The following PSEN1 variants were observed in gnomAD, a reference collection of about 807,000 sequenced individuals.
PSEN1 encodes presenilin-1.
In PSEN1, 15 loss-of-function variants were observed where a neutral mutation model predicts 53.5. The ratio of observed to expected loss-of-function variants is 0.28; its 90% CI spans 0.19 to 0.43. The LOEUF is 0.43. PSEN1 is among the 20% of genes least tolerant of loss of function. PSEN1 has a pLI of 1.00. For synonymous variants in PSEN1, 208 were observed against 209.8 expected (o/e 0.99, Z 0.08); for missense variants, 387 against 571.2 (o/e 0.68, Z 3.29).
At chr14:73,167,151 CAG>C (rs747493312) in intron 3 of PSEN1, among the ~76,000 whole-genome samples, 9 of 12,526 alleles carry the variant, frequency 7.2e-4, no homozygotes, top group Non-Finnish European at 1.1e-3. Context: ...ATGGTACCAG[CAG>C]CACCTGATTA....
chr14:73,161,815 G>A (rs1020033257), intron 3 of PSEN1, among the ~76,000 whole-genome samples: 4 of 152,036 alleles, frequency 2.6e-5, no homozygotes, highest in Non-Finnish European at 5.9e-5. Context: ...CACATTATTA[G>A]CGGAAACTTG....
chr14:73,185,663 A>G (rs919491625), intron 5 of PSEN1, among the ~76,000 whole-genome samples: 2 of 152,160 alleles, frequency 1.3e-5, no homozygotes, highest in Non-Finnish European at 2.9e-5. Flanking sequence ...TTTAAGATGT[A>G]TTTCTTTTCT....
In PSEN1 at chr14:73,194,657, C is replaced by T. The variant is rs553968596; in HGVS notation, c.769+1793C>T. Among the ~76,000 whole-genome samples, 12 of 151,196 alleles carry T rather than the reference C, an allele frequency of 7.9e-5. No homozygotes were observed. The East Asian group carries it at 2.0e-3, about 25-fold the overall frequency. On this transcript the variant is annotated intron_variant, in intron 7 of 11. Transcript: ENST00000324501. ...GATCTTGGCTCACTGCAAGCTTCGC[C>T]TCCCAGGTTCATGCCGTTCTCCTGC...
chr14:73,186,009 CATTTTTGTAACAAAATGTTGGAAA>C (rs1898495884), intron 5 of PSEN1, among the ~76,000 whole-genome samples: 2 of 152,194 alleles, frequency 1.3e-5, no homozygotes, highest in Admixed American at 1.3e-4. Context: ...TGTGTTCGAA[CATTTTTGTAACAAAATGTTGGAAA>C]ATTTTTGTGG....
intron 1 of PSEN1, among the ~76,000 whole-genome samples, chr14:73,146,880 G>A (rs527574235): frequency 6.6e-6 from 1 of 152,306 alleles, no homozygotes; most frequent in East Asian, 1.9e-4. Context: ...AAAAGGAAGA[G>A]TTGAAATCAT....
rs1223461976 is a variant in PSEN1, at chr14:73,222,705, A to G, written c.*3416A>G. The G allele has an allele frequency of 6.6e-6, 1 of 152,208 alleles. No homozygotes were observed. The highest frequency in any genetic ancestry group is 1.5e-5 in the Non-Finnish European group (1 of 68,024). 9.4% of individuals were successfully genotyped at this position (152,208 alleles called of 1,614,324 possible). On this transcript the variant is annotated 3_prime_UTR_variant, in exon 12 of 12. Coordinates refer to ENST00000324501, the MANE Select transcript of PSEN1 (RefSeq NM_000021.4). ...TTTCTGGTATATGCCATCTTTCTTT[A>G]ACTTCTCTAAAATATTGGGTATTTG...
At chr14:73,197,873 T>G in intron 7 of PSEN1, 158 bp from the exon 8 acceptor site, 9 of 599,992 alleles carry the variant, frequency 1.5e-5, no homozygotes, top group East Asian at 2.9e-5. Flanking sequence ...CCCCCACCAG[T>G]TCACCTGCCA....
intron 5 of PSEN1, among the ~76,000 whole-genome samples, chr14:73,185,564 C>T (rs1038008179): frequency 2.6e-5 from 4 of 152,112 alleles, no homozygotes; most frequent in Non-Finnish European, 5.9e-5. Flanking sequence ...AGCTTCGGCT[C>T]AGCATGAGAG....
At chr14:73,195,738 C>A (rs939181038) in intron 7 of PSEN1, among the ~76,000 whole-genome samples, 2 of 152,080 alleles carry the variant, frequency 1.3e-5, no homozygotes, top group African/African-American at 4.8e-5. Context: ...ACTACAGGCA[C>A]AGGTTGGTGT....
Position 73,219,691 on chromosome 14 carries a change from A to G in PSEN1, c.*402A>G, listed in dbSNP as rs997475501. On this transcript the variant is annotated 3_prime_UTR_variant, in exon 12 of 12. Transcript: ENST00000324501. The stretch of plus-strand genomic sequence containing the variant: ...AGGTGAAGTGGTTTAAACCAAACGG[A>G]ACTCTTCATCTTAAACTACACGTTG... 3.9e-6 allele frequency: 1 copy of G among 257,454 alleles called. No homozygotes were observed. The highest frequency in any genetic ancestry group is 7.7e-6 in the Non-Finnish European group (1 of 130,364). The allele number at this position is 257,454 out of a possible 1,614,324, so 15.9% of individuals were successfully genotyped here.
intron 8 of PSEN1, among the ~76,000 whole-genome samples, chr14:73,199,675 T>C (rs560342467): frequency 6.6e-6 from 1 of 152,334 alleles, no homozygotes; most frequent in South Asian, 2.1e-4. Context: ...TATTGCCTCC[T>C]AAAAAAGCTG....
intron 3 of PSEN1, among the ~76,000 whole-genome samples, chr14:73,167,640 A>T (rs1472905125): frequency 1.3e-5 from 2 of 151,950 alleles, no homozygotes; most frequent in Non-Finnish European, 2.9e-5. Context: ...ACCCTATTCC[A>T]TTAGTTTTAA....
intron 8 of PSEN1, among the ~76,000 whole-genome samples, chr14:73,199,372 C>G (rs991359052): frequency 3.3e-5 from 5 of 152,144 alleles, no homozygotes; most frequent in African/African-American, 4.8e-5. Flanking sequence ...AGAGAGGATA[C>G]TACAGGAAGT....
chr14:73,177,873 C>T (rs185108056), intron 5 of PSEN1, among the ~76,000 whole-genome samples: 2 of 152,134 alleles, frequency 1.3e-5, no homozygotes, highest in Admixed American at 1.3e-4. Context: ...GTTCACTGAG[C>T]TTTTTGAATC....
intron 11 of PSEN1, among the ~76,000 whole-genome samples, chr14:73,217,736 C>T (rs577975097): frequency 1.6e-4 from 24 of 152,076 alleles, no homozygotes; most frequent in African/African-American, 5.3e-4. Context: ...CCATGCATGA[C>T]CCCACATAGA....
At chr14:73,218,021 CAAGTG>C (rs1899988828) in intron 11 of PSEN1, among the ~76,000 whole-genome samples, 1 of 150,690 alleles carries the variant, frequency 6.6e-6, no homozygotes, top group South Asian at 2.1e-4. Context: ...CTCCTGACCT[CAAGTG>C]ATGTGCCTGC....
rs932048925 is a variant in PSEN1 at position 73,166,601 on chromosome 14, T to C, written c.88-4196T>C. Among the ~76,000 whole-genome samples, 136 of 152,216 alleles carry C rather than the reference T, an allele frequency of 8.9e-4. 2 individuals are homozygous for C. The highest frequency in any genetic ancestry group is 1.8e-3 in the Non-Finnish European group (123 of 68,042). ...TGAACATCAATTGCAGATATAACAT[T>C]CTTGGCAGATGACTTAGTCACCTCC... On this transcript the variant is annotated intron_variant, in intron 3 of 11. Coordinates refer to ENST00000324501, the MANE Select transcript of PSEN1 (RefSeq NM_000021.4).
intron 5 of PSEN1, among the ~76,000 whole-genome samples, chr14:73,177,927 A>ATT (rs1166237666): frequency 4.0e-5 from 6 of 150,190 alleles, no homozygotes; most frequent in East Asian, 1.9e-4. Context: ...TTTTTCAACC[A>ATT]TTATTTCTTC....
intron 7 of PSEN1, among the ~76,000 whole-genome samples, chr14:73,195,826 T>G (rs1314665743): frequency 6.6e-6 from 1 of 152,204 alleles, no homozygotes; most frequent in Admixed American, 6.5e-5. Context: ...CAGTGTTATA[T>G]TTTTGTATAA....
Sources: allele counts gnomAD v4.1 joint callset (sites outside exome capture counted in the v4.1 genomes callset), GRCh38; gene constraint gnomAD v4.1.1; transcripts MANE v1.5; gene names NCBI Gene and HGNC (gene_info 2026-07-23, HGNC 2026-07-21).